Variants in GBP5 observed in about 807,000 individuals in gnomAD.
GBP5 encodes guanylate-binding protein 5.
Under a neutral mutation model 58.2 loss-of-function variants are expected in GBP5, and 48 were observed. The observed-to-expected ratio is 0.83, with a 90% confidence interval of 0.65 to 1.05. GBP5 has a LOEUF of 1.05. Among genes scored for constraint, GBP5 ranks in the 50% least tolerant of loss-of-function variants. The pLI is 0.00. For missense variants in GBP5, 714 were observed against 686.8 expected, an observed-to-expected ratio of 1.04 and a Z score of -0.44; for synonymous variants, 248 against 251.8, an observed-to-expected ratio of 0.98 and a Z score of 0.14.
At chr1:89,261,344 G>T (rs908002586) in intron 11 of GBP5, among the ~76,000 whole-genome samples, 1 of 152,174 alleles carries the variant, frequency 6.6e-6, no homozygotes, top group Non-Finnish European at 1.5e-5. Context: ...ATATTTTAGA[G>T]TAACTTCTGA....
Position 89,267,500 on chromosome 1 carries a change from G to T in GBP5, c.345C>A (p.Ile115=). Reference sequence around the variant, plus strand: ...TGCTCAGTAAGAGTGCCAGTGCAAAGATCTGGATATCATTCTTGTTGTCAG... The same window carrying T: ...TGCTCAGTAAGAGTGCCAGTGCAAATATCTGGATATCATTCTTGTTGTCAG... ...EKADNKNDIQ[I]FALALLLSST... Residue 115 remains isoleucine, a synonymous_variant, in exon 5 of 12, where the codon ATC becomes ATA. Coordinates refer to ENST00000370459, the MANE Select transcript of GBP5 (RefSeq NM_052942.5). The T allele has an allele frequency of 6.2e-7, 1 of 1,613,704 alleles. No homozygotes were observed.
Position 89,264,700 on chromosome 1 carries a change from G to T in GBP5, c.1135C>A (p.Gln379Lys). The change falls in exon 8 of 12, where the codon CAG (glutamine) becomes AAG (lysine). Residue 379 changes from glutamine (Q) to lysine (K), a missense_variant. Physicochemically the swap from Gln to Lys is moderately conservative, Grantham distance 53 (BLOSUM62 1). Transcript: ENST00000370459. Reference protein sequence around the residue: ...NSFKDVDQSFQKELETLLDAK... With the variant: ...NSFKDVDQSFKKELETLLDAK... Reference sequence around the variant, plus strand: ...AAAAATATCACCTCCAATTCTTTCTGGAAACTTTGGTCTACATCCTTGAAA... The same window carrying T: ...AAAAATATCACCTCCAATTCTTTCTTGAAACTTTGGTCTACATCCTTGAAA... The T allele has an allele frequency of 6.2e-7, 1 of 1,613,216 alleles. No individual in the cohort carries two copies. The highest frequency in any genetic ancestry group is 1.1e-5 in the South Asian group (1 of 91,060).
chr1:89,268,746 G>A lies in GBP5; in HGVS notation c.301C>T (p.Leu101=), dbSNP rs1298026742. The change falls in exon 4 of 12, where the codon CTG becomes TTG. Residue 101 remains leucine, a synonymous_variant. Transcript: ENST00000370459. ...HTLVLLDTEG[L]GDVEKADNKN... The stretch of plus-strand genomic sequence containing the variant: ...TTCCTTACCTTCTCTACATCTCCCA[G>A]GCCCTCGGTGTCAAGCAGAACTAAT... The A allele has an allele frequency of 6.2e-7, 1 of 1,614,014 alleles. No individual in the cohort carries two copies. Among genetic ancestry groups the A allele is most frequent in the African/African-American group, 1.3e-5 (1 of 74,992 alleles).
At position 89,259,934 on chromosome 1, in the gene GBP5, A is replaced by G. The variant is rs1649939601; in HGVS notation, c.*770T>C. ...TCAGATTTCTGTAGAGCAGCCCAGC[A>G]GGTTAATAAATTTGCTTGCCGACTT... is the stretch of plus-strand genomic sequence containing the variant. On this transcript the variant is annotated 3_prime_UTR_variant, in exon 12 of 12. Transcript: ENST00000370459. The G allele has an allele frequency of 6.6e-6, 1 of 152,410 alleles. No individual in the cohort carries two copies. The highest frequency in any genetic ancestry group is 6.5e-5 in the Admixed American group (1 of 15,274). 9.4% of individuals were successfully genotyped at this position (152,410 alleles called of 1,614,324 possible).
In GBP5 at chr1:89,269,367, C is replaced by G; in HGVS notation, c.189G>C (p.Lys63Asn). Reference protein sequence around the residue: ...YLMNKLAGKNKGFSVASTVQS... With the variant: ...YLMNKLAGKNNGFSVASTVQS... ...CAGAGCTTTGCTGGTACCACTCACCCTTGTTCTTCCCAGCCAGCTTGTTCA... is the reference window on the plus strand; with the variant it reads ...CAGAGCTTTGCTGGTACCACTCACCGTTGTTCTTCCCAGCCAGCTTGTTCA... The change falls in exon 3 of 12, where the codon AAG becomes AAC. Residue 63 changes from lysine to asparagine, a missense_variant and splice_region_variant. Physicochemically the swap from Lys to Asn is moderately conservative, Grantham distance 94 (BLOSUM62 0). Coordinates refer to ENST00000370459, the MANE Select transcript of GBP5 (RefSeq NM_052942.5). The G allele has an allele frequency of 6.2e-7, 1 of 1,613,938 alleles. No individual in the cohort carries two copies. The highest frequency in any genetic ancestry group is 1.3e-5 in the African/African-American group (1 of 75,032).
chr1:89,262,553 A>C, intron 10 of GBP5, 130 bp downstream of exon 10: 1 of 907,600 alleles, frequency 1.1e-6, no homozygotes. Flanking sequence ...TGCCAGTCAG[A>C]TATGCTTGAG....
intron 3 of GBP5, among the ~76,000 whole-genome samples, 183 bp downstream of exon 3, chr1:89,269,183 G>A (rs1384161925): frequency 6.6e-6 from 1 of 152,008 alleles, no homozygotes; most frequent in Non-Finnish European, 1.5e-5. Flanking sequence ...AAAAAAAAGA[G>A]GTGATATGTC....
In GBP5 at chr1:89,257,991, A is replaced by C. The variant is rs997354326; in HGVS notation, c.*2713T>G. Reference sequence around the variant, plus strand: ...AGTTGATTTCACAACAGTAAGACAAAGAAAGTCAGAAAATATAAGCTACTT... The same window carrying C: ...AGTTGATTTCACAACAGTAAGACAACGAAAGTCAGAAAATATAAGCTACTT... On this transcript the variant is annotated 3_prime_UTR_variant, in exon 12 of 12. Transcript: ENST00000370459. 3.9e-5 allele frequency among the ~76,000 whole-genome samples: 6 copies of C among 152,250 alleles called. No homozygotes were observed. Among genetic ancestry groups the C allele is most frequent in the Non-Finnish European group, 8.8e-5 (6 of 68,044 alleles).
In GBP5 at chr1:89,266,234, A is replaced by G. The variant is rs1471389506; in HGVS notation, c.868+112T>C. On this transcript the variant is annotated intron_variant, in intron 7 of 11. Transcript: ENST00000370459. ...TAAATATGATACATATGATTTTCAC[A>G]GTAGCAATTGCCTATGCATTTGTCA... is the stretch of plus-strand genomic sequence containing the variant. 4 of 858,412 alleles carry G rather than the reference A, an allele frequency of 4.7e-6. No homozygotes were observed. The African/African-American group carries it at 5.1e-5, about 11-fold the overall frequency. The allele number at this position is 858,412 out of a possible 1,614,324, so 53.2% of individuals were successfully genotyped here. A position where few individuals can be genotyped will look rare whatever the true frequency, so the allele number is the denominator to read the frequency against.
rs1393290818 is a variant in GBP5 at position 89,257,939 on chromosome 1, G to T, written c.*2765C>A. On this transcript the variant is annotated 3_prime_UTR_variant, in exon 12 of 12. Coordinates refer to ENST00000370459, the MANE Select transcript of GBP5 (RefSeq NM_052942.5). ...GCTCTAGGGGAGAATCTATTGCTTTGCTTTTCATTACATTTAAAACTAGAT... is the reference window on the plus strand; with the variant it reads ...GCTCTAGGGGAGAATCTATTGCTTTTCTTTTCATTACATTTAAAACTAGAT... 1.3e-5 allele frequency among the ~76,000 whole-genome samples: 2 copies of T among 152,156 alleles called. No individual in the cohort carries two copies. The highest frequency in any genetic ancestry group is 3.8e-4 in the East Asian group (2 of 5,198).
Position 89,260,073 on chromosome 1 carries a change from AT to A in GBP5, c.*630del. On this transcript the variant is annotated 3_prime_UTR_variant, in exon 12 of 12. Transcript: ENST00000370459. Reference sequence around the variant, plus strand: ...TCAGGGACCAGTTTCGTGGAAGGTAATTTTTCCACAGAGGGTTGGCGGGGGT... The same window carrying A: ...TCAGGGACCAGTTTCGTGGAAGGTAATTTTCCACAGAGGGTTGGCGGGGGT... The A allele has an allele frequency of 6.6e-6, 1 of 152,442 alleles. No homozygotes were observed. Among genetic ancestry groups the A allele is most frequent in the African/African-American group, 2.4e-5 (1 of 41,436 alleles). 9.4% of individuals were successfully genotyped at this position (152,442 alleles called of 1,614,324 possible).
intron 5 of GBP5, 67 bp downstream of exon 5, chr1:89,267,350 G>T: frequency 1.7e-6 from 2 of 1,193,712 alleles, no homozygotes; most frequent in Non-Finnish European, 2.5e-6. Flanking sequence ...AGGTCTCACA[G>T]ACATGCAGCT....
Position 89,267,013 on chromosome 1 carries a change from T to G in GBP5, c.569A>C (p.Asp190Ala). The change falls in exon 6 of 12, where the codon GAT becomes GCT. Residue 190 changes from aspartate to alanine, a missense_variant. Asp to Ala is a moderately radical substitution (Grantham distance 126). Coordinates refer to ENST00000370459, the MANE Select transcript of GBP5 (RefSeq NM_052942.5). The stretch of plus-strand genomic sequence containing the variant: ...TTCATCTGGTGTGACAAGTTGCCCA[T>G]CTATTTCCAGGCCTAAGCAGAAATC... ...LRDFCLGLEI[D>A]GQLVTPDEYL... is the part of the protein sequence containing the mutation. The G allele has an allele frequency of 1.2e-6, 2 of 1,612,126 alleles. No homozygotes were observed. The highest frequency in any genetic ancestry group is 1.7e-6 in the Non-Finnish European group (2 of 1,179,654).
intron 4 of GBP5, 112 bp from the exon 5 acceptor site, chr1:89,267,638 G>C (rs1010947305): frequency 1.5e-6 from 1 of 677,088 alleles, no homozygotes; most frequent in Non-Finnish European, 2.6e-6. Context: ...AAGATTGTTA[G>C]AAATATTAAC....
chr1:89,268,009 AAC>A (rs1370965490), intron 4 of GBP5, among the ~76,000 whole-genome samples: 1 of 152,174 alleles, frequency 6.6e-6, no homozygotes, highest in Non-Finnish European at 1.5e-5. Flanking sequence ...AAAGACAAAA[AAC>A]ACACACACAG....
intron 9 of GBP5, chr1:89,263,506 G>A (rs1178671362): frequency 2.3e-6 from 1 of 427,662 alleles, no homozygotes; most frequent in East Asian, 3.5e-5. Flanking sequence ...GGTGATTATG[G>A]TGATGGTTCA....
chr1:89,263,664 AT>A, intron 9 of GBP5, 71 bp downstream of exon 9: 2 of 1,040,508 alleles, frequency 1.9e-6, no homozygotes, highest in Non-Finnish European at 1.5e-6. Context: ...ATACATGGCA[AT>A]TTTCCTGTTC....
At chr1:89,270,564 A>C (rs553748128) in intron 2 of GBP5, 191 bp downstream of exon 2, 4 of 152,340 alleles carry the variant, frequency 2.6e-5, no homozygotes, top group Non-Finnish European at 5.9e-5. Flanking sequence ...ATGTTGACAT[A>C]AATTAAAACA....
Position 89,260,506 on chromosome 1 carries a change from T to A in GBP5, c.*198A>T, listed in dbSNP as rs2100714484. 2.0e-6 allele frequency: 1 copy of A among 497,582 alleles called. No homozygotes were observed. Among genetic ancestry groups the A allele is most frequent in the East Asian group, 3.3e-5 (1 of 30,328 alleles). 30.8% of individuals were successfully genotyped at this position (497,582 alleles called of 1,614,324 possible). Reference sequence around the variant, plus strand: ...ATTTATAATCTCTTAAAGGAAGCAATAAACATTTAAACTATTGGACTACTG... The same window carrying A: ...ATTTATAATCTCTTAAAGGAAGCAAAAAACATTTAAACTATTGGACTACTG... On this transcript the variant is annotated 3_prime_UTR_variant, in exon 12 of 12. Transcript: ENST00000370459.
Sources: allele counts gnomAD v4.1 joint callset (sites outside exome capture counted in the v4.1 genomes callset), GRCh38; gene constraint gnomAD v4.1.1; transcripts MANE v1.5; gene names NCBI Gene and HGNC (gene_info 2026-07-23, HGNC 2026-07-21).